The following MAD1L1 variants were observed in gnomAD, a reference collection of about 807,000 sequenced individuals.
MAD1L1 encodes mitotic spindle assembly checkpoint protein MAD1.
In MAD1L1, 95 loss-of-function variants were observed where a neutral mutation model predicts 96.9. That is an observed-to-expected ratio of 0.98 (90% CI 0.83 to 1.16). The LOEUF (loss-of-function observed/expected upper bound fraction) is 1.16, where lower values mean the gene tolerates loss of function less well. MAD1L1 is among the 50% of genes most tolerant of loss of function. The probability of loss-of-function intolerance (pLI) is 0.00; values close to 1 mark genes in which losing one functional copy is unlikely to be tolerated. For missense variants in MAD1L1, 1,007 were observed against 954.4 expected (o/e 1.06, Z -0.73); for synonymous variants, 473 against 396.6 (o/e 1.19, Z -2.29).
chr7:1,859,595 C>T (rs1258204691), intron 18 of MAD1L1, among the ~76,000 whole-genome samples: 1 of 152,162 alleles, frequency 6.6e-6, no homozygotes, highest in Non-Finnish European at 1.5e-5. Flanking sequence ...ATGATGGGGA[C>T]CTTGCCAGCA....
intron 10 of MAD1L1, among the ~76,000 whole-genome samples, chr7:2,185,838 C>T (rs1300327448): frequency 6.6e-6 from 1 of 152,194 alleles, no homozygotes; most frequent in East Asian, 1.9e-4. Context: ...CCGGACTCAC[C>T]CCCACCCCCA....
chr7:1,937,646 C>A (rs1199673724), intron 16 of MAD1L1, among the ~76,000 whole-genome samples: 1 of 150,328 alleles, frequency 6.7e-6, no homozygotes, highest in East Asian at 2.0e-4. Context: ...GGTGCAGGGT[C>A]ACTGCGCACC....
At chr7:1,904,819 C>T (rs1787520048) in intron 17 of MAD1L1, among the ~76,000 whole-genome samples, 1 of 119,544 alleles carries the variant, frequency 8.4e-6, no homozygotes, top group South Asian at 3.2e-4. Flanking sequence ...AAGCACTGTT[C>T]CAGGCAAGCG....
intron 14 of MAD1L1, among the ~76,000 whole-genome samples, chr7:1,994,489 C>T (rs2128489926): frequency 6.6e-6 from 1 of 152,288 alleles, no homozygotes; most frequent in East Asian, 1.9e-4. Context: ...ACTGAGGGAC[C>T]AGGCAGAGAC....
intron 18 of MAD1L1, among the ~76,000 whole-genome samples, chr7:1,877,631 A>G (rs996633005): frequency 2.6e-5 from 4 of 152,238 alleles, no homozygotes; most frequent in African/African-American, 9.6e-5. Context: ...ATTAGATGTT[A>G]TCTTCAAAAA....
At chr7:2,056,363 G>A (rs961517312) in intron 12 of MAD1L1, among the ~76,000 whole-genome samples, 4 of 152,138 alleles carry the variant, frequency 2.6e-5, no homozygotes, top group Admixed American at 6.5e-5. Flanking sequence ...CATGGGGCTC[G>A]CGCAGGCTCT....
chr7:2,138,915 A>G (rs1006547714), intron 11 of MAD1L1, among the ~76,000 whole-genome samples: 16 of 152,298 alleles, frequency 1.1e-4, no homozygotes, highest in South Asian at 2.1e-4. Flanking sequence ...TTCTCCACTC[A>G]TCTTGCAAAG....
At chr7:2,099,472 T>G (rs2128550002) in intron 11 of MAD1L1, among the ~76,000 whole-genome samples, 1 of 152,368 alleles carries the variant, frequency 6.6e-6, no homozygotes, top group South Asian at 2.1e-4. Context: ...CTGCAAATGT[T>G]CAAGCACTTT....
chr7:1,999,959 A>C (rs10950503), intron 14 of MAD1L1, among the ~76,000 whole-genome samples: 79,724 of 151,982 alleles, frequency 0.52, 22,340 homozygotes, highest in East Asian at 0.72. Context: ...CCAAGACTAG[A>C]TGCCAGGATG....
intron 18 of MAD1L1, among the ~76,000 whole-genome samples, chr7:1,873,390 T>G (rs1429830416): frequency 7.4e-6 from 1 of 134,910 alleles, no homozygotes; most frequent in Non-Finnish European, 1.6e-5. Context: ...GGGAGGAGGT[T>G]GGGGAGGCCT....
chr7:1,922,546 G>C (rs138880732), intron 17 of MAD1L1, among the ~76,000 whole-genome samples: 160 of 152,342 alleles, frequency 1.1e-3, no homozygotes, highest in African/African-American at 3.5e-3. Context: ...CGCTCGACTC[G>C]TTTTTATCTT....
chr7:1,817,968 C>T (rs1334269787), intron 18 of MAD1L1, among the ~76,000 whole-genome samples: 1 of 151,836 alleles, frequency 6.6e-6, no homozygotes, highest in Non-Finnish European at 1.5e-5. Context: ...TTCTCAGGAG[C>T]CGTCCCCGTG....
At chr7:1,831,633 A>C (rs1439408149) in intron 18 of MAD1L1, among the ~76,000 whole-genome samples, 1 of 152,274 alleles carries the variant, frequency 6.6e-6, no homozygotes, top group Non-Finnish European at 1.5e-5. Context: ...GCAAAGGAGA[A>C]GTTCGTAAAG....
At chr7:2,037,960 C>T (rs892009157) in intron 12 of MAD1L1, among the ~76,000 whole-genome samples, 14 of 152,246 alleles carry the variant, frequency 9.2e-5, no homozygotes, top group South Asian at 4.2e-4. Flanking sequence ...AAAGATAAGC[C>T]GAAAGCCAGG....
At chr7:1,838,735 A>C (rs1211620972) in intron 18 of MAD1L1, 11 of 470,720 alleles carry the variant, frequency 2.3e-5, no homozygotes, top group Middle Eastern at 3.2e-4. Flanking sequence ...TCCAAGATAG[A>C]CTGTGATGAT....
chr7:2,022,272 C>T (rs570822931), intron 12 of MAD1L1, among the ~76,000 whole-genome samples: 4 of 152,310 alleles, frequency 2.6e-5, no homozygotes, highest in African/African-American at 7.2e-5. Context: ...GAGGCGCCCA[C>T]CCTGCCTGTG....
chr7:1,818,288 T>C (rs945829910), intron 18 of MAD1L1, among the ~76,000 whole-genome samples: 9 of 152,116 alleles, frequency 5.9e-5, no homozygotes, highest in African/African-American at 1.9e-4. Flanking sequence ...TGGTGCAGAC[T>C]CTGGCCAGGC....
At chr7:2,224,260 G>A (rs1027281710) in intron 4 of MAD1L1, among the ~76,000 whole-genome samples, 3 of 152,110 alleles carry the variant, frequency 2.0e-5, no homozygotes, top group Non-Finnish European at 1.5e-5. Context: ...ATGACCTGGT[G>A]GCTCCTCTCC....
chr7:1,834,256 G>A (rs1457284968), intron 18 of MAD1L1, among the ~76,000 whole-genome samples: 3 of 151,932 alleles, frequency 2.0e-5, no homozygotes, highest in Admixed American at 6.6e-5. Context: ...CTTCAGCTTC[G>A]ACCTTAAGGA....
Sources: allele counts gnomAD v4.1 joint callset (sites outside exome capture counted in the v4.1 genomes callset), GRCh38; gene constraint gnomAD v4.1.1; transcripts MANE v1.5; gene names NCBI Gene and HGNC (gene_info 2026-07-23, HGNC 2026-07-21).